The following ERMAP variants were observed in gnomAD, a reference collection of about 807,000 sequenced individuals.
ERMAP encodes erythroid membrane-associated protein.
Under a neutral mutation model 49.5 loss-of-function variants are expected in ERMAP, and 34 were observed. The observed-to-expected ratio is 0.69, with a 90% CI of 0.52 to 0.91. ERMAP has a LOEUF of 0.91. ERMAP is among the 40% of genes least tolerant of loss of function. The pLI is 0.00. For missense variants in ERMAP, 541 were observed against 582.6 expected, an observed-to-expected ratio of 0.93 and a Z score of 0.74; for synonymous variants, 214 against 232.2, an observed-to-expected ratio of 0.92 and a Z score of 0.71.
chr1:42,836,919 A>G, intron 6 of ERMAP: 1 of 389,580 alleles, frequency 2.6e-6, no homozygotes, highest in Non-Finnish European at 4.6e-6. Context: ...AAAAAAAAAA[A>G]CTAAACAATT....
At position 42,843,265 on chromosome 1, in the gene ERMAP, C is replaced by A; in HGVS notation, c.*33C>A. 2 of 1,494,626 alleles carry A rather than the reference C, an allele frequency of 1.3e-6. No homozygotes were observed. The highest frequency in any genetic ancestry group is 1.8e-6 in the Non-Finnish European group (2 of 1,109,772). 92.6% of individuals were successfully genotyped at this position (1,494,626 alleles called of 1,614,324 possible). A position where few individuals can be genotyped will look rare whatever the true frequency, so the allele number is the denominator to read the frequency against. The stretch of plus-strand genomic sequence containing the variant: ...CCACATTACCTGCTCCCATCACCAT[C>A]CAGCCCAGCACCCTGGACTTCAGTC... On this transcript the variant is annotated 3_prime_UTR_variant, in exon 12 of 12. Transcript: ENST00000372517.
intron 11 of ERMAP, among the ~76,000 whole-genome samples, chr1:42,841,576 G>A (rs751301227): frequency 6.6e-6 from 1 of 152,196 alleles, no homozygotes; most frequent in Non-Finnish European, 1.5e-5. Flanking sequence ...TTAGGTGACA[G>A]AATGAATATC....
rs947919978 is a variant in ERMAP, at chr1:42,819,215, G to T, written c.-122+1962G>T. On this transcript the variant is annotated intron_variant, in intron 1 of 11. Transcript: ENST00000372517. This position sits in a 1 kb window ranked among gnomAD's most constrained non-coding sequence, Gnocchi z 5.1. ...TGTGTGTGTGTGTGTGTGCGCGCGC[G>T]CAAGAGAGGGACCGAGAGAGAGAAA... is the stretch of plus-strand genomic sequence containing the variant. Among the ~76,000 whole-genome samples, 1 of 150,996 alleles carries T rather than the reference G, an allele frequency of 6.6e-6. No homozygotes were observed. The highest frequency in any genetic ancestry group is 2.4e-5 in the African/African-American group (1 of 40,856).
Position 42,835,071 on chromosome 1 carries a change from T to C in ERMAP, c.467T>C (p.Val156Ala). ...GTGGGGAGTCTCTCCCCCTCAGCAG[T>C]GGCTCTGGCTGTGATCCTGCCTGTC... ...PSVGSLSPSAVALAVILPVLV... is the reference protein window; with the variant it reads ...PSVGSLSPSAAALAVILPVLV... The change falls in exon 5 of 12, where the codon GTG becomes GCG. Residue 156 changes from valine (V) to alanine (A), a missense_variant. Coordinates refer to ENST00000372517, the MANE Select transcript of ERMAP (RefSeq NM_001017922.2). 1 of 1,562,166 alleles carries C rather than the reference T, an allele frequency of 6.4e-7. No individual in the cohort carries two copies. The highest frequency in any genetic ancestry group is 8.8e-7 in the Non-Finnish European group (1 of 1,132,352).
intron 1 of ERMAP, among the ~76,000 whole-genome samples, chr1:42,820,759 T>C (rs762692782): frequency 7.2e-5 from 11 of 152,222 alleles, no homozygotes; most frequent in Non-Finnish European, 1.6e-4. Flanking sequence ...TTTCTGAGGA[T>C]TCCAGTTGTA....
intron 1 of ERMAP, chr1:42,825,361 G>A (rs890341398): frequency 1.2e-5 from 6 of 512,930 alleles, no homozygotes; most frequent in African/African-American, 1.0e-4. Flanking sequence ...GGATCAAAAC[G>A]CATCAGAGGG....
At chr1:42,840,701 A>C (rs911318239) in intron 11 of ERMAP, among the ~76,000 whole-genome samples, 1 of 151,728 alleles carries the variant, frequency 6.6e-6, no homozygotes, top group African/African-American at 2.4e-5. Flanking sequence ...ATTACTTTTC[A>C]TTTGTACTTC....
At chr1:42,837,879 C>G (rs1052406767) in intron 7 of ERMAP, 1 of 152,580 alleles carries the variant, frequency 6.6e-6, no homozygotes, top group Non-Finnish European at 1.5e-5. Context: ...CCTCTCTTCC[C>G]TCCTTACATT....
chr1:42,838,716 T>A (rs1654974601), intron 7 of ERMAP, among the ~76,000 whole-genome samples, 185 bp from the exon 8 acceptor site: 1 of 152,150 alleles, frequency 6.6e-6, no homozygotes, highest in Non-Finnish European at 1.5e-5. Flanking sequence ...GCTGGGTCAC[T>A]GGGACAGTGT....
intron 1 of ERMAP, among the ~76,000 whole-genome samples, chr1:42,818,652 G>A (rs879936884): frequency 1.8e-4 from 28 of 151,932 alleles, no homozygotes; most frequent in Non-Finnish European, 2.8e-4. Flanking sequence ...AAATTTTTTT[G>A]TAGAGATGGA....
At position 42,831,083 on chromosome 1, in the gene ERMAP, G is replaced by T. The variant is rs1415881807; in HGVS notation, c.401G>T (p.Ser134Ile). ...TGTCTGATCCAAGTTGGAAATCTGAGTAAAGAGGACACCGTGATCCTGCAG... is the reference window on the plus strand; with the variant it reads ...TGTCTGATCCAAGTTGGAAATCTGATTAAAGAGGACACCGTGATCCTGCAG... ...YRCLIQVGNL[S>I]KEDTVILQVA... is the part of the protein sequence containing the mutation. Residue 134 changes from serine to isoleucine, a missense_variant, in exon 4 of 12, where the codon AGT becomes ATT. Transcript: ENST00000372517. 1 of 1,614,134 alleles carries T rather than the reference G, an allele frequency of 6.2e-7. No individual in the cohort carries two copies. The highest frequency in any genetic ancestry group is 8.5e-7 in the Non-Finnish European group (1 of 1,180,052).
chr1:42,830,983 G>A lies in ERMAP; in HGVS notation c.301G>A (p.Val101Met). ...MPEYKGRTVL[V>M]RDAQEGSVTL... ...GGAATATAAGGGGAGGACGGTGCTAGTGAGAGATGCCCAAGAGGGAAGTGT... is the reference window on the plus strand; with the variant it reads ...GGAATATAAGGGGAGGACGGTGCTAATGAGAGATGCCCAAGAGGGAAGTGT... Residue 101 changes from valine to methionine, a missense_variant, in exon 4 of 12, where the codon GTG becomes ATG. By Grantham distance (21) the Val-to-Met change is conservative (BLOSUM62 1). Coordinates refer to ENST00000372517, the MANE Select transcript of ERMAP (RefSeq NM_001017922.2). 6.2e-7 allele frequency: 1 copy of A among 1,614,262 alleles called. No individual in the cohort carries two copies. Among genetic ancestry groups the A allele is most frequent in the East Asian group, 2.2e-5 (1 of 44,884 alleles).
At position 42,825,675 on chromosome 1, in the gene ERMAP, G is replaced by A; in HGVS notation, c.-69G>A. The A allele has an allele frequency of 7.8e-7, 1 of 1,289,414 alleles. No homozygotes were observed. The highest frequency in any genetic ancestry group is 2.1e-4 in the Middle Eastern group (1 of 4,690). The allele number at this position is 1,289,414 out of a possible 1,614,324, so 79.9% of individuals were successfully genotyped here. A position where few individuals can be genotyped will look rare whatever the true frequency, so the allele number is the denominator to read the frequency against. ...TGGTCTCTCTGCATGGGGAAGGAGT[G>A]TTCCCAGCTTGCAAACTCCAGCTTT... On this transcript the variant is annotated 5_prime_UTR_variant, in exon 2 of 12. Coordinates refer to ENST00000372517, the MANE Select transcript of ERMAP (RefSeq NM_001017922.2).
chr1:42,841,390 T>C (rs1029963253), intron 11 of ERMAP, among the ~76,000 whole-genome samples: 1 of 152,154 alleles, frequency 6.6e-6, no homozygotes, highest in Non-Finnish European at 1.5e-5. Context: ...AAATAATAAT[T>C]TCGTCCTACG....
intron 2 of ERMAP, among the ~76,000 whole-genome samples, chr1:42,828,994 A>G (rs1462377574): frequency 6.6e-6 from 1 of 152,144 alleles, no homozygotes; most frequent in African/African-American, 2.4e-5. Flanking sequence ...ACGCCAGGGA[A>G]TCCTGGGCCC....
intron 4 of ERMAP, among the ~76,000 whole-genome samples, chr1:42,832,618 C>T (rs1399858894): frequency 6.6e-6 from 1 of 152,094 alleles, no homozygotes; most frequent in East Asian, 1.9e-4. Flanking sequence ...CCTCCCACCT[C>T]AGCCTCCCAA....
At chr1:42,824,562 T>C (rs958404807) in intron 1 of ERMAP, 13 of 152,278 alleles carry the variant, frequency 8.5e-5, no homozygotes, top group Non-Finnish European at 1.8e-4. Flanking sequence ...GAGTGTGAGG[T>C]GTGAGACAAG....
chr1:42,833,695 C>A (rs1654815174), intron 4 of ERMAP, among the ~76,000 whole-genome samples: 1 of 151,878 alleles, frequency 6.6e-6, no homozygotes, highest in Non-Finnish European at 1.5e-5. Context: ...TTAATGGGTC[C>A]AAGGGTTCAA....
At chr1:42,826,212 T>G (rs1161566273) in intron 2 of ERMAP, among the ~76,000 whole-genome samples, 1 of 152,186 alleles carries the variant, frequency 6.6e-6, no homozygotes, top group Non-Finnish European at 1.5e-5. Context: ...TATGCAGAAT[T>G]TTGCAAACCA....
Sources: allele counts gnomAD v4.1 joint callset (sites outside exome capture counted in the v4.1 genomes callset), GRCh38; gene constraint gnomAD v4.1.1; non-coding constraint Gnocchi (gnomAD v3.1); transcripts MANE v1.5; gene names NCBI Gene and HGNC (gene_info 2026-07-23, HGNC 2026-07-21).